VAT1L: variants seen among roughly 807,000 people sequenced by gnomAD.
VAT1L encodes putative NADPH-dependent quinone oxidoreductase VAT1L.
Under a neutral mutation model 44.1 loss-of-function variants are expected in VAT1L, and 34 were observed. That is an observed-to-expected ratio of 0.77 (90% confidence interval 0.59 to 1.03). VAT1L has a LOEUF of 1.03. VAT1L is among the 50% of genes least tolerant of loss of function. The probability of loss-of-function intolerance (pLI) is 0.00; values close to 1 mark genes in which losing one functional copy is unlikely to be tolerated. For missense variants in VAT1L, 615 were observed against 538.8 expected, an observed-to-expected ratio of 1.14 and a Z score of -1.40; for synonymous variants, 253 against 202.2, an observed-to-expected ratio of 1.25 and a Z score of -2.13.
intron 7 of VAT1L, among the ~76,000 whole-genome samples, chr16:77,888,065 C>G (rs1051575401): frequency 6.6e-6 from 1 of 152,146 alleles, no homozygotes; most frequent in Non-Finnish European, 1.5e-5. Flanking sequence ...TTGAACACTC[C>G]TTTTCCCAAT....
intron 4 of VAT1L, among the ~76,000 whole-genome samples, chr16:77,875,528 T>C (rs2017078452): frequency 6.6e-6 from 1 of 152,222 alleles, no homozygotes; most frequent in African/African-American, 2.4e-5. Flanking sequence ...AGAGTCTTCC[T>C]GTTCTACAGC....
At chr16:77,923,726 G>C (rs364365) in intron 7 of VAT1L, among the ~76,000 whole-genome samples, 22,074 of 152,094 alleles carry the variant, frequency 0.15, 1,723 homozygotes, top group Admixed American at 0.21. Flanking sequence ...TCTCAAAGTT[G>C]GTACCCAGGG....
At chr16:77,873,998 C>A (rs186085487) in intron 4 of VAT1L, among the ~76,000 whole-genome samples, 28 of 152,070 alleles carry the variant, frequency 1.8e-4, no homozygotes, top group Non-Finnish European at 3.4e-4. Context: ...CAGAGTCCAG[C>A]GGACAGAGCA....
intron 7 of VAT1L, among the ~76,000 whole-genome samples, chr16:77,901,241 G>A (rs913068907): frequency 4.4e-5 from 6 of 135,040 alleles, no homozygotes; most frequent in Non-Finnish European, 1.5e-5. Context: ...TCAGCTCACT[G>A]CAAGCTCCGC....
At chr16:77,924,093 T>C (rs2142496413) in intron 7 of VAT1L, among the ~76,000 whole-genome samples, 2 of 152,286 alleles carry the variant, frequency 1.3e-5, no homozygotes, top group Middle Eastern at 6.8e-3. Flanking sequence ...CCTCCTTGTC[T>C]CCATGTGTAC....
At chr16:77,850,656 TGTTTTCTTTTG>T (rs2016799824) in intron 3 of VAT1L, among the ~76,000 whole-genome samples, 1 of 152,226 alleles carries the variant, frequency 6.6e-6, no homozygotes, top group African/African-American at 2.4e-5. Flanking sequence ...TTTTTGTTTT[TGTTTTCTTTTG>T]GTTGAAAGAG....
intron 5 of VAT1L, among the ~76,000 whole-genome samples, chr16:77,878,134 T>C (rs2017109422): frequency 6.6e-6 from 1 of 152,210 alleles, no homozygotes; most frequent in Admixed American, 6.5e-5. Flanking sequence ...GGTCACTAAT[T>C]AATCAAAGTC....
At chr16:77,932,852 C>T (rs563163108) in intron 7 of VAT1L, among the ~76,000 whole-genome samples, 1 of 152,318 alleles carries the variant, frequency 6.6e-6, no homozygotes, top group East Asian at 1.9e-4. Context: ...GGAGGTCTTT[C>T]TTTACCAGGA....
chr16:77,932,567 T>G (rs889040575), intron 7 of VAT1L, among the ~76,000 whole-genome samples: 1 of 152,218 alleles, frequency 6.6e-6, no homozygotes, highest in Admixed American at 6.5e-5. Flanking sequence ...GATTTTGGTG[T>G]CCCATCCTAT....
At chr16:77,900,401 T>G (rs1489955402) in intron 7 of VAT1L, among the ~76,000 whole-genome samples, 2 of 151,242 alleles carry the variant, frequency 1.3e-5, no homozygotes, top group Non-Finnish European at 3.0e-5. Context: ...ATTTAGAAAA[T>G]AGGAAAAAAG....
chr16:77,847,945 C>T (rs1402885701), intron 3 of VAT1L, among the ~76,000 whole-genome samples: 2 of 152,172 alleles, frequency 1.3e-5, no homozygotes, highest in East Asian at 3.9e-4. Flanking sequence ...TGCTGTGCCA[C>T]GTTTAAGAGG....
At chr16:77,902,570 A>C (rs2017393707) in intron 7 of VAT1L, among the ~76,000 whole-genome samples, 1 of 152,188 alleles carries the variant, frequency 6.6e-6, no homozygotes, top group South Asian at 2.1e-4. Context: ...TATATTTGGT[A>C]AAACAATGTA....
intron 7 of VAT1L, among the ~76,000 whole-genome samples, chr16:77,956,023 G>T (rs1201301279): frequency 1.3e-5 from 2 of 152,090 alleles, no homozygotes; most frequent in Non-Finnish European, 2.9e-5. Context: ...GCACAGTGGG[G>T]TGACTATAGT....
chr16:77,930,172 C>A (rs2017713276), intron 7 of VAT1L, among the ~76,000 whole-genome samples: 1 of 152,136 alleles, frequency 6.6e-6, no homozygotes, highest in Admixed American at 6.6e-5. Flanking sequence ...TTGGAATGAA[C>A]CACAAGCACC....
At chr16:77,886,849 AC>A (rs1163439082) in intron 7 of VAT1L, among the ~76,000 whole-genome samples, 3 of 152,134 alleles carry the variant, frequency 2.0e-5, no homozygotes, top group Non-Finnish European at 4.4e-5. Context: ...CTCTAAAGAG[AC>A]TTTTTAGATA....
At chr16:77,808,773 T>G (rs933853992) in intron 1 of VAT1L, among the ~76,000 whole-genome samples, 10 of 152,062 alleles carry the variant, frequency 6.6e-5, no homozygotes, top group African/African-American at 2.4e-4. Context: ...TTTTTTGTAT[T>G]TTTAGTAGAG....
intron 7 of VAT1L, among the ~76,000 whole-genome samples, chr16:77,939,165 C>T (rs901082230): frequency 6.6e-6 from 1 of 152,218 alleles, no homozygotes; most frequent in Non-Finnish European, 1.5e-5. Flanking sequence ...TCGTGACGAC[C>T]TCTCCAGGCT....
intron 2 of VAT1L, among the ~76,000 whole-genome samples, chr16:77,817,738 T>G (rs2016380811): frequency 6.6e-6 from 1 of 152,214 alleles, no homozygotes; most frequent in Non-Finnish European, 1.5e-5. Flanking sequence ...TGACCCTTCC[T>G]ACTATTATAA....
At chr16:77,865,251 G>A (rs1222751621) in intron 4 of VAT1L, among the ~76,000 whole-genome samples, 2 of 152,272 alleles carry the variant, frequency 1.3e-5, no homozygotes, top group South Asian at 2.1e-4. Context: ...GGTATTACAG[G>A]TGTGACTGCG....
Sources: allele counts gnomAD v4.1 joint callset (sites outside exome capture counted in the v4.1 genomes callset), GRCh38; gene constraint gnomAD v4.1.1; transcripts MANE v1.5; gene names NCBI Gene and HGNC (gene_info 2026-07-23, HGNC 2026-07-21).